AEN: variants seen among roughly 807,000 people sequenced by gnomAD.
AEN encodes apoptosis enhancing nuclease.
In AEN, 21 loss-of-function variants were observed where a neutral mutation model predicts 17.7. The observed-to-expected ratio is 1.19, with a 90% CI of 0.84 to 1.71. The LOEUF (loss-of-function observed/expected upper bound fraction) is 1.71, where lower values mean the gene tolerates loss of function less well. Among genes scored for constraint, AEN ranks in the 40% most tolerant of loss-of-function variants. The pLI is 0.00. For missense variants in AEN, 462 were observed against 435.9 expected, an observed-to-expected ratio of 1.06 and a Z score of -0.53; for synonymous variants, 190 against 173.0, an observed-to-expected ratio of 1.10 and a Z score of -0.77.
Position 88,629,278 on chromosome 15 carries a change from A to T in AEN, c.593A>T (p.Asp198Val), listed in dbSNP as rs968857753. Residue 198 changes from aspartate (D) to valine (V), a missense_variant, in exon 3 of 4, where the codon GAC (aspartate) becomes GTC (valine). Coordinates refer to ENST00000332810, the MANE Select transcript of AEN (RefSeq NM_022767.4). ...KVVVGHALHNDFQALKYVHPR... is the reference protein window; with the variant it reads ...KVVVGHALHNVFQALKYVHPR... ...GTGGTGGGGCACGCGCTGCACAACG[A>T]CTTCCAGGCGCTCAAGTATGTCCAC... The T allele has an allele frequency of 6.2e-7, 1 of 1,614,058 alleles. No homozygotes were observed. Among genetic ancestry groups the T allele is most frequent in the Non-Finnish European group, 8.5e-7 (1 of 1,179,986 alleles).
chr15:88,617,336 C>T (rs545349427), upstream of AEN, among the ~76,000 whole-genome samples: 4 of 152,168 alleles, frequency 2.6e-5, no homozygotes, highest in Non-Finnish European at 5.9e-5. Context: ...TCGCTGCAAC[C>T]TCTATCTCCG....
At chr15:88,629,182 A>T (rs1315358979) in intron 2 of AEN, 44 bp from the exon 3 acceptor site, 1 of 1,599,080 alleles carries the variant, frequency 6.3e-7, no homozygotes, top group South Asian at 1.1e-5. Flanking sequence ...TGCCAACCTG[A>T]TGGGGTGTGG....
At chr15:88,611,240 G>A in the AEN span, among the ~76,000 whole-genome samples, 3 of 152,032 alleles carry the variant, frequency 2.0e-5, no homozygotes, top group African/African-American at 7.3e-5. Context: ...GATTAGTAAA[G>A]GAAAGAGAGA....
chr15:88,621,490 A>T (rs952795364), intron 1 of AEN, 108 bp downstream of exon 1: 1 of 152,086 alleles, frequency 6.6e-6, no homozygotes, highest in South Asian at 2.1e-4. Context: ...TGCGGCGGGG[A>T]CGCCTGAACT....
rs577574131 is a variant in AEN, at chr15:88,631,479, T to C, written c.*1185T>C. ...GCCCCATCTTTGCTTGCAGCTTAGC[T>C]TTGAGATACTAAGCAAGCGAGGGAC... On this transcript the variant is annotated 3_prime_UTR_variant, in exon 4 of 4. Transcript: ENST00000332810. The C allele has an allele frequency of 2.2e-5, 5 of 229,308 alleles. No homozygotes were observed. The highest frequency in any genetic ancestry group is 4.6e-5 in the Non-Finnish European group (5 of 109,698). The allele number at this position is 229,308 out of a possible 1,614,324, so 14.2% of individuals were successfully genotyped here.
At chr15:88,627,118 GTTAGTTTC>G (rs1419895503) in intron 2 of AEN, 6 of 227,920 alleles carry the variant, frequency 2.6e-5, no homozygotes, top group Non-Finnish European at 5.3e-5. Flanking sequence ...ATTTCCTTAT[GTTAGTTTC>G]TTAGTGCTTA....
upstream of AEN, among the ~76,000 whole-genome samples, chr15:88,620,477 C>T (rs2141364729): frequency 6.6e-6 from 1 of 151,982 alleles, no homozygotes; most frequent in Middle Eastern, 3.4e-3. Flanking sequence ...TGCAATGGCG[C>T]GATCTCGGCT....
chr15:88,626,817 T>G, intron 2 of AEN, 68 bp downstream of exon 2: 1 of 1,520,616 alleles, frequency 6.6e-7, no homozygotes, highest in Non-Finnish European at 8.8e-7. Flanking sequence ...TGGGTTTGAA[T>G]CACCACTTTG....
the AEN span, among the ~76,000 whole-genome samples, chr15:88,615,383 G>T: frequency 6.6e-6 from 1 of 152,134 alleles, no homozygotes; most frequent in Admixed American, 6.5e-5. Flanking sequence ...GGAGTTGGGG[G>T]AGGGTACAAA....
intron 1 of AEN, among the ~76,000 whole-genome samples, chr15:88,624,217 G>A (rs992355686): frequency 6.6e-6 from 1 of 152,182 alleles, no homozygotes; most frequent in African/African-American, 2.4e-5. Context: ...AGACCCGAGA[G>A]AGCCTCAGTA....
upstream of AEN, among the ~76,000 whole-genome samples, chr15:88,618,419 A>ATT (rs1012571952): frequency 6.6e-6 from 1 of 152,110 alleles, no homozygotes; most frequent in Non-Finnish European, 1.5e-5. Context: ...CTAAGGGTTA[A>ATT]TTTTTTTTCC....
At chr15:88,606,849 C>G in the AEN span, among the ~76,000 whole-genome samples, 19 of 152,184 alleles carry the variant, frequency 1.2e-4, no homozygotes, top group Admixed American at 7.8e-4. Context: ...CCCCCTCCAC[C>G]CCATGGCTTC....
upstream of AEN, chr15:88,621,180 C>G (rs556854069): frequency 8.5e-5 from 13 of 152,454 alleles, no homozygotes; most frequent in African/African-American, 3.1e-4. Flanking sequence ...CGAGTTACGC[C>G]CTCTTCAGGA....
At chr15:88,622,366 CTG>C (rs1056196921) in intron 1 of AEN, among the ~76,000 whole-genome samples, 4 of 152,212 alleles carry the variant, frequency 2.6e-5, no homozygotes, top group African/African-American at 9.6e-5. Flanking sequence ...TCCTTGATGA[CTG>C]TTGGTTTTGA....
In AEN at chr15:88,629,256, G is replaced by T; in HGVS notation, c.571G>T (p.Val191Leu). The stretch of plus-strand genomic sequence containing the variant: ...TAAGCTCCTGAAGGGCAAGGTGGTG[G>T]TGGGGCACGCGCTGCACAACGACTT... ...ILKLLKGKVVVGHALHNDFQA... is the reference protein window; with the variant it reads ...ILKLLKGKVVLGHALHNDFQA... Residue 191 changes from valine to leucine, a missense_variant, in exon 3 of 4, where the codon GTG (valine) becomes TTG (leucine). By Grantham distance (32) the Val-to-Leu change is conservative. Transcript: ENST00000332810. 6.2e-7 allele frequency: 1 copy of T among 1,614,128 alleles called. No homozygotes were observed.
Position 88,631,155 on chromosome 15 carries a change from G to A in AEN, c.*861G>A, listed in dbSNP as rs1219090226. The A allele has an allele frequency of 2.2e-5, 10 of 456,610 alleles. No homozygotes were observed. Among genetic ancestry groups the A allele is most frequent in the Non-Finnish European group, 4.4e-5 (10 of 226,974 alleles). The allele number at this position is 456,610 out of a possible 1,614,324, so 28.3% of individuals were successfully genotyped here. ...AGTCTGAGAAACAAGACAGTGGTTT[G>A]AATTCTGGGGCCTTTGTGTAGGATT... On this transcript the variant is annotated 3_prime_UTR_variant, in exon 4 of 4. Transcript: ENST00000332810.
intron 2 of AEN, chr15:88,628,971 C>G (rs888546406): frequency 1.3e-5 from 6 of 477,392 alleles, no homozygotes; most frequent in Non-Finnish European, 2.3e-5. Context: ...AGAGCCACCC[C>G]ACGGAATGCT....
intron 1 of AEN, among the ~76,000 whole-genome samples, chr15:88,625,116 A>G (rs2057834656): frequency 6.6e-6 from 1 of 152,242 alleles, no homozygotes; most frequent in Admixed American, 6.5e-5. Flanking sequence ...GAGGGCTTAA[A>G]GTCCGCTGGG....
chr15:88,613,171 C>G, the AEN span, among the ~76,000 whole-genome samples: 2 of 152,140 alleles, frequency 1.3e-5, no homozygotes, highest in African/African-American at 4.8e-5. Flanking sequence ...CTACCTCTTC[C>G]GGTTGCTAGC....
Sources: allele counts gnomAD v4.1 joint callset (sites outside exome capture counted in the v4.1 genomes callset), GRCh38; gene constraint gnomAD v4.1.1; transcripts MANE v1.5; gene names NCBI Gene and HGNC (gene_info 2026-07-23, HGNC 2026-07-21).